Variants in UBE2D2 observed in about 807,000 individuals in gnomAD.
UBE2D2 encodes ubiquitin conjugating enzyme E2 D2.
In UBE2D2, 2 loss-of-function variants were observed where a neutral mutation model predicts 24.2. The ratio of observed to expected loss-of-function variants is 0.08; its 90% CI spans 0.03 to 0.26. The LOEUF (loss-of-function observed/expected upper bound fraction) is 0.26, where lower values mean the gene tolerates loss of function less well. Ranked by LOEUF, UBE2D2 falls within the 10% of genes least tolerant of loss-of-function variation. UBE2D2 has a pLI of 1.00. For missense variants in UBE2D2, 44 were observed against 177.6 expected (o/e 0.25, Z 4.28); for synonymous variants, 58 against 56.5 (o/e 1.03, Z -0.12).
rs1451033046 is a variant in UBE2D2, at chr5:139,626,922, T to C, written c.*121T>C. 4.0e-6 allele frequency: 3 copies of C among 751,758 alleles called. No individual in the cohort carries two copies. Among genetic ancestry groups the C allele is most frequent in the African/African-American group, 3.5e-5 (2 of 56,604 alleles). 46.6% of individuals were successfully genotyped at this position (751,758 alleles called of 1,614,324 possible). On this transcript the variant is annotated 3_prime_UTR_variant, in exon 7 of 7. Coordinates refer to ENST00000398733, the MANE Select transcript of UBE2D2 (RefSeq NM_003339.3). The stretch of plus-strand genomic sequence containing the variant: ...CACGCCTCATCTTCCCCTGTGCACA[T>C]GTTTACCTGATACAGCAGTGCTGCG...
chr5:139,626,883 GCTTT>G lies in UBE2D2; in HGVS notation c.*85_*88del. 1 of 1,237,988 alleles carries G rather than the reference GCTTT, an allele frequency of 8.1e-7. No homozygotes were observed. The highest frequency in any genetic ancestry group is 1.2e-5 in the South Asian group (1 of 81,610). 76.7% of individuals were successfully genotyped at this position (1,237,988 alleles called of 1,614,324 possible). ...AAGTCCTTTTGATTTCCATTTGACT[GCTTT>G]CTATGAGCCCACGCCTCATCTTCCC... On this transcript the variant is annotated 3_prime_UTR_variant, in exon 7 of 7. Coordinates refer to ENST00000398733, the MANE Select transcript of UBE2D2 (RefSeq NM_003339.3).
chr5:139,577,109 G>A (rs1753489576), intron 1 of UBE2D2, among the ~76,000 whole-genome samples: 1 of 152,056 alleles, frequency 6.6e-6, no homozygotes, highest in Non-Finnish European at 1.5e-5. Context: ...TAGGAAGACG[G>A]TGGTAACCGT....
At chr5:139,617,196 G>A (rs1402378121) in intron 5 of UBE2D2, among the ~76,000 whole-genome samples, 2 of 150,972 alleles carry the variant, frequency 1.3e-5, no homozygotes, top group African/African-American at 4.9e-5. Context: ...AAAAAAAAAA[G>A]TATTGATCTT....
Position 139,614,061 on chromosome 5 carries a change from C to CA in UBE2D2, c.89-505dup, listed in dbSNP as rs34610126. ...TGGGCGATAGAGTGAGACTCTGTCT[C>CA]AAAAAAAAAAAAAAAAAAAAGTGTA... On this transcript the variant is annotated intron_variant, in intron 2 of 6. Coordinates refer to ENST00000398733, the MANE Select transcript of UBE2D2 (RefSeq NM_003339.3). Among the ~76,000 whole-genome samples the CA allele has an allele frequency of 5.6e-3, 498 of 88,928 alleles. 5 individuals carry two copies. The highest frequency in any genetic ancestry group is 0.021 in the Middle Eastern group (4 of 188). The allele number at this position is 88,928 out of a possible 152,430, so 58.3% of individuals were successfully genotyped here. A position where few individuals can be genotyped will look rare whatever the true frequency, so the allele number is the denominator to read the frequency against.
chr5:139,563,144 A>T (rs1375910949), intron 1 of UBE2D2, among the ~76,000 whole-genome samples: 1 of 152,142 alleles, frequency 6.6e-6, no homozygotes, highest in Non-Finnish European at 1.5e-5. Flanking sequence ...TGGGATGGGG[A>T]TGCAAGAGGA....
intron 1 of UBE2D2, among the ~76,000 whole-genome samples, chr5:139,570,070 G>C (rs1581498563): frequency 6.6e-6 from 1 of 152,118 alleles, no homozygotes; most frequent in South Asian, 2.1e-4. Context: ...AGCTTGGTCT[G>C]TAATGGGAGA....
chr5:139,536,695 G>C (rs1752685596), intron 1 of UBE2D2, among the ~76,000 whole-genome samples: 1 of 151,940 alleles, frequency 6.6e-6, no homozygotes, highest in Non-Finnish European at 1.5e-5. Context: ...TCACCCTGTT[G>C]GCCAGGCTGG....
At chr5:139,529,990 G>T (rs1752582424) in intron 1 of UBE2D2, among the ~76,000 whole-genome samples, 1 of 152,122 alleles carries the variant, frequency 6.6e-6, no homozygotes, top group South Asian at 2.1e-4. Flanking sequence ...CAGCCCAAAA[G>T]AACCACCCTG....
At chr5:139,623,607 T>G (rs1200935567) in intron 6 of UBE2D2, 146 bp downstream of exon 6, 2 of 520,322 alleles carry the variant, frequency 3.8e-6, no homozygotes, top group Non-Finnish European at 6.9e-6. Flanking sequence ...GAGAAATATA[T>G]GCATTGAGTA....
intron 1 of UBE2D2, among the ~76,000 whole-genome samples, chr5:139,567,881 A>C (rs769500540): frequency 6.6e-5 from 10 of 152,222 alleles, no homozygotes; most frequent in Non-Finnish European, 1.3e-4. Context: ...TTTTGTAAAT[A>C]CATTGATCCC....
upstream of UBE2D2, among the ~76,000 whole-genome samples, chr5:139,558,259 A>C (rs1753006902): frequency 6.6e-6 from 1 of 152,162 alleles, no homozygotes; most frequent in Non-Finnish European, 1.5e-5. Context: ...GAAATATTTG[A>C]AACAGGAAAA....
At chr5:139,539,580 C>T (rs1752729425) in intron 1 of UBE2D2, among the ~76,000 whole-genome samples, 1 of 151,882 alleles carries the variant, frequency 6.6e-6, no homozygotes. Flanking sequence ...ACACATTGTA[C>T]CAACATCAAT....
At chr5:139,563,365 T>C (rs1561503547) in intron 1 of UBE2D2, among the ~76,000 whole-genome samples, 3 of 152,186 alleles carry the variant, frequency 2.0e-5, no homozygotes, top group Admixed American at 1.3e-4. Flanking sequence ...CAATAAATCT[T>C]GTACTAAAAT....
intron 1 of UBE2D2, among the ~76,000 whole-genome samples, chr5:139,536,130 G>A (rs565868048): frequency 3.3e-5 from 5 of 150,528 alleles, no homozygotes; most frequent in South Asian, 2.1e-4. Flanking sequence ...ACTGAGTTTC[G>A]CTGTTGTTGC....
At chr5:139,619,217 G>A (rs1175567348) in intron 5 of UBE2D2, among the ~76,000 whole-genome samples, 1 of 152,026 alleles carries the variant, frequency 6.6e-6, no homozygotes, top group Non-Finnish European at 1.5e-5. Flanking sequence ...CCAACATAGT[G>A]AAACCTGATT....
chr5:139,620,871 T>A (rs770099428), intron 5 of UBE2D2, among the ~76,000 whole-genome samples: 4 of 152,222 alleles, frequency 2.6e-5, no homozygotes, highest in Admixed American at 6.5e-5. Flanking sequence ...GGATTTAAAT[T>A]TATTTTGTCA....
At chr5:139,611,561 C>T (rs561653082) in intron 2 of UBE2D2, among the ~76,000 whole-genome samples, 1 of 152,112 alleles carries the variant, frequency 6.6e-6, no homozygotes, top group Non-Finnish European at 1.5e-5. Flanking sequence ...ATTGAAATGA[C>T]ATCAACGTGA....
chr5:139,541,225 G>A (rs1176873240), intron 1 of UBE2D2, among the ~76,000 whole-genome samples: 5 of 151,566 alleles, frequency 3.3e-5, no homozygotes, highest in African/African-American at 4.9e-5. Context: ...TTGAACCTGA[G>A]AGATGGAGGT....
intron 1 of UBE2D2, among the ~76,000 whole-genome samples, chr5:139,583,577 C>T (rs763036970): frequency 1.3e-4 from 20 of 152,046 alleles, no homozygotes; most frequent in Middle Eastern, 3.2e-3. Flanking sequence ...ACCTGGCCAA[C>T]AAGGTGAAAC....
Sources: gnomAD v4.1 joint callset for allele counts (sites outside exome capture counted in the v4.1 genomes callset) on GRCh38, gnomAD v4.1.1 for gene constraint, MANE v1.5 for transcripts, NCBI Gene and HGNC (gene_info 2026-07-23, HGNC 2026-07-21) for gene names.